The following SGCZ variants were observed in gnomAD, a reference collection of about 807,000 sequenced individuals.
SGCZ encodes sarcoglycan zeta, also known as zeta-sarcoglycan.
SGCZ carries 40 observed loss-of-function variants against 41.3 expected under a neutral mutation model. That is an observed-to-expected ratio of 0.97 (90% CI 0.75 to 1.26). The LOEUF (loss-of-function observed/expected upper bound fraction) is 1.26, where lower values mean the gene tolerates loss of function less well. Among genes scored for constraint, SGCZ ranks in the 50% most tolerant of loss-of-function variants. SGCZ has a pLI of 0.00. For synonymous variants in SGCZ, 206 were observed against 137.5 expected, an observed-to-expected ratio of 1.50 and a Z score of -3.49; for missense variants, 552 against 369.8, an observed-to-expected ratio of 1.49 and a Z score of -4.04.
intron 1 of SGCZ, among the ~76,000 whole-genome samples, chr8:14,946,405 C>T (rs923887471): frequency 6.6e-6 from 1 of 152,028 alleles, no homozygotes; most frequent in Non-Finnish European, 1.5e-5. Context: ...CATTTCATTT[C>T]TAACTGCCCT....
intron 1 of SGCZ, among the ~76,000 whole-genome samples, chr8:14,783,342 C>T (rs753236687): frequency 1.3e-5 from 2 of 151,020 alleles, no homozygotes; most frequent in African/African-American, 2.4e-5. Context: ...GCTGAGGAAG[C>T]AGAATCACTT....
chr8:14,212,159 C>A (rs970049861), intron 4 of SGCZ, among the ~76,000 whole-genome samples: 2 of 152,014 alleles, frequency 1.3e-5, no homozygotes, highest in African/African-American at 2.4e-5. Flanking sequence ...AAGGAGCAAT[C>A]CAGAACTAGC....
intron 2 of SGCZ, among the ~76,000 whole-genome samples, chr8:14,361,151 G>A (rs1803498733): frequency 6.6e-6 from 1 of 152,134 alleles, no homozygotes; most frequent in Non-Finnish European, 1.5e-5. Context: ...AAGCTGCTGA[G>A]TTTTGAACAT....
At chr8:14,548,885 G>A (rs1478814891) in intron 2 of SGCZ, among the ~76,000 whole-genome samples, 1 of 152,048 alleles carries the variant, frequency 6.6e-6, no homozygotes, top group Non-Finnish European at 1.5e-5. Flanking sequence ...GTATTTGGCG[G>A]GAATTATGTC....
intron 1 of SGCZ, among the ~76,000 whole-genome samples, chr8:14,735,695 C>T (rs1799007541): frequency 6.6e-6 from 1 of 152,126 alleles, no homozygotes; most frequent in South Asian, 2.1e-4. Context: ...TAATAAACTC[C>T]CTTTCGTATA....
rs181251720 is a variant in SGCZ at position 15,182,037 on chromosome 8, A to G, written c.39+55548T>C. 7.2e-5 allele frequency among the ~76,000 whole-genome samples: 11 copies of G among 152,296 alleles called. No homozygotes were observed. The East Asian group carries it at 2.1e-3, about 29-fold the overall frequency. ...TCACTGAGTATCCATTCATAGGACAATCCTTGAAAAAATAGAGGAAACCAT... is the reference window on the plus strand; with the variant it reads ...TCACTGAGTATCCATTCATAGGACAGTCCTTGAAAAAATAGAGGAAACCAT... On this transcript the variant is annotated intron_variant, in intron 1 of 7. Coordinates refer to ENST00000382080, the MANE Select transcript of SGCZ (RefSeq NM_139167.4).
chr8:14,968,063 C>CTA (rs1414573676), intron 1 of SGCZ, among the ~76,000 whole-genome samples: 1 of 152,084 alleles, frequency 6.6e-6, no homozygotes, highest in Non-Finnish European at 1.5e-5. Context: ...CTGGACAAAG[C>CTA]TATATAATAA....
chr8:14,815,115 TTTG>T (rs1801862780), intron 1 of SGCZ, among the ~76,000 whole-genome samples: 1 of 152,216 alleles, frequency 6.6e-6, no homozygotes, highest in African/African-American at 2.4e-5. Flanking sequence ...AGGCAGGGTA[TTTG>T]TTATTATTTT....
intron 6 of SGCZ, among the ~76,000 whole-genome samples, chr8:14,105,567 T>A (rs1802179159): frequency 6.6e-6 from 1 of 152,120 alleles, no homozygotes; most frequent in South Asian, 2.1e-4. Flanking sequence ...ATTTTCATTA[T>A]ACAAATAAAT....
chr8:15,137,303 A>G (rs186953299), intron 1 of SGCZ, among the ~76,000 whole-genome samples: 1 of 152,334 alleles, frequency 6.6e-6, no homozygotes, highest in East Asian at 1.9e-4. Flanking sequence ...AGCAGAGCAT[A>G]AACATTTGGA....
chr8:14,408,411 A>G (rs540669486), intron 2 of SGCZ, among the ~76,000 whole-genome samples: 7 of 152,096 alleles, frequency 4.6e-5, no homozygotes, highest in African/African-American at 1.7e-4. Flanking sequence ...CTCTCGTCCC[A>G]CCCCTAATAT....
intron 7 of SGCZ, among the ~76,000 whole-genome samples, chr8:14,097,626 C>T (rs1027233160): frequency 6.6e-6 from 1 of 152,104 alleles, no homozygotes; most frequent in Non-Finnish European, 1.5e-5. Context: ...GAGCTGAGTT[C>T]ATGTCCTGGA....
rs73521017 is a variant in SGCZ at position 15,006,775 on chromosome 8, T to C, written c.39+230810A>G. ...CATTGATATATTCATAGATGAGTTG[T>C]AAAAGCCTGTCTCCCATGTTTGAAC... On this transcript the variant is annotated intron_variant, in intron 1 of 7. Coordinates refer to ENST00000382080, the MANE Select transcript of SGCZ (RefSeq NM_139167.4). 2.5e-3 allele frequency among the ~76,000 whole-genome samples: 379 copies of C among 152,280 alleles called. 3 individuals carry two copies. The highest frequency in any genetic ancestry group is 8.5e-3 in the African/African-American group (355 of 41,566).
intron 1 of SGCZ, among the ~76,000 whole-genome samples, chr8:14,563,343 A>G (rs1298899487): frequency 6.6e-6 from 1 of 152,190 alleles, no homozygotes; most frequent in Non-Finnish European, 1.5e-5. Flanking sequence ...ATATTATGAG[A>G]TATGGCTTCT....
At chr8:14,108,558 G>A (rs1054671088) in intron 5 of SGCZ, among the ~76,000 whole-genome samples, 5 of 152,152 alleles carry the variant, frequency 3.3e-5, no homozygotes, top group South Asian at 2.1e-4. Context: ...ATCAGATCTC[G>A]TGAGACTTAT....
rs560860009 is a variant in SGCZ at position 14,460,890 on chromosome 8, C to G, written c.234+93842G>C. 3.2e-4 allele frequency among the ~76,000 whole-genome samples: 49 copies of G among 152,186 alleles called. 1 individual carries two copies. Among genetic ancestry groups the G allele is most frequent in the African/African-American group, 1.1e-3 (46 of 41,548 alleles). On this transcript the variant is annotated intron_variant, in intron 2 of 7. Transcript: ENST00000382080. Reference sequence around the variant, plus strand: ...TCCTTAATATTTAATAAAATGATAGCTGATACTTTCATTTGGCCCATATTC... The same window carrying G: ...TCCTTAATATTTAATAAAATGATAGGTGATACTTTCATTTGGCCCATATTC...
At chr8:14,920,602 T>A (rs955980718) in intron 1 of SGCZ, among the ~76,000 whole-genome samples, 1 of 152,074 alleles carries the variant, frequency 6.6e-6, no homozygotes, top group African/African-American at 2.4e-5. Flanking sequence ...GGTAACAGAT[T>A]AAGAAGATAT....
chr8:15,168,300 G>A (rs565986509), intron 1 of SGCZ, among the ~76,000 whole-genome samples: 72 of 152,278 alleles, frequency 4.7e-4, no homozygotes, highest in African/African-American at 1.7e-3. Flanking sequence ...GATTCCTGAC[G>A]ATTAAGCCAA....
At chr8:14,775,615 C>T (rs137958164) in intron 1 of SGCZ, among the ~76,000 whole-genome samples, 1 of 151,934 alleles carries the variant, frequency 6.6e-6, no homozygotes, top group South Asian at 2.1e-4. Flanking sequence ...CCATATAACA[C>T]AGTACATATG....
Sources: allele counts gnomAD v4.1 joint callset (sites outside exome capture counted in the v4.1 genomes callset), GRCh38; gene constraint gnomAD v4.1.1; transcripts MANE v1.5; gene names NCBI Gene and HGNC (gene_info 2026-07-23, HGNC 2026-07-21).